TLK2: variants seen among roughly 807,000 people sequenced by gnomAD.
The protein encoded by TLK2 is serine/threonine-protein kinase tousled-like 2.
A neutral mutation model predicts 117.3 loss-of-function variants in TLK2; 6 were observed. The observed-to-expected ratio is 0.05, with a 90% CI of 0.03 to 0.10. TLK2 has a LOEUF of 0.10. TLK2 is among the 10% of genes least tolerant of loss of function. TLK2 has a pLI of 1.00. For synonymous variants in TLK2, 257 were observed against 316.7 expected (o/e 0.81, Z 2.00); for missense variants, 299 against 901.2 (o/e 0.33, Z 8.56).
At chr17:62,528,044 A>C (rs569778826) in intron 6 of TLK2, among the ~76,000 whole-genome samples, 3 of 152,076 alleles carry the variant, frequency 2.0e-5, no homozygotes, top group Non-Finnish European at 4.4e-5. Flanking sequence ...CCCAGCCTAG[A>C]ATGTTAATCT....
intron 2 of TLK2, among the ~76,000 whole-genome samples, chr17:62,506,423 A>G (rs1247781778): frequency 6.6e-6 from 1 of 152,210 alleles, no homozygotes. Flanking sequence ...GTCAAGAACC[A>G]GAACTGGAAT....
intron 2 of TLK2, among the ~76,000 whole-genome samples, chr17:62,484,478 A>G (rs933677598): frequency 1.3e-5 from 2 of 150,864 alleles, no homozygotes; most frequent in African/African-American, 2.4e-5. Flanking sequence ...TTGTATTTTT[A>G]GTAGAGATGG....
intron 2 of TLK2, among the ~76,000 whole-genome samples, chr17:62,502,029 A>ATTTTTTTTTTTT (rs371212708): frequency 3.4e-4 from 47 of 137,438 alleles, no homozygotes; most frequent in African/African-American, 9.6e-4. Flanking sequence ...AAAAATACCA[A>ATTTTTTTTTTTT]TTTTTTTTTT....
At position 62,602,106 on chromosome 17, in the gene TLK2, G is replaced by A. The variant is rs751158242; in HGVS notation, c.1785G>A (p.Ser595=). The A allele has an allele frequency of 2.1e-5, 34 of 1,613,644 alleles. No homozygotes were observed. The highest frequency in any genetic ancestry group is 2.7e-5 in the Non-Finnish European group (32 of 1,179,794). The change falls in exon 19 of 22, where the codon TCG becomes TCA. Residue 595 remains serine, a synonymous_variant. Transcript: ENST00000346027. ...TAAAAATTACAGATTTTGGTCTTTC[G>A]AAGATCATGGATGATGATAGCTACA... ...GEIKITDFGL[S]KIMDDDSYNS...
At chr17:62,562,336 A>G (rs1423768130) in intron 10 of TLK2, among the ~76,000 whole-genome samples, 2 of 152,182 alleles carry the variant, frequency 1.3e-5, no homozygotes, top group Non-Finnish European at 2.9e-5. Flanking sequence ...ACTCCAGCCT[A>G]GGTAGTAGAA....
chr17:62,496,784 T>C (rs908680804), intron 2 of TLK2, among the ~76,000 whole-genome samples: 9 of 151,824 alleles, frequency 5.9e-5, no homozygotes, highest in African/African-American at 2.2e-4. Flanking sequence ...TGAAACCCCG[T>C]CTCTACTAAA....
At chr17:62,486,532 A>G (rs1472055244) in intron 2 of TLK2, among the ~76,000 whole-genome samples, 2 of 152,196 alleles carry the variant, frequency 1.3e-5, no homozygotes, top group African/African-American at 4.8e-5. Context: ...GAAACTGACT[A>G]TATCTTGAAT....
chr17:62,565,637 G>A (rs996614354), intron 11 of TLK2, among the ~76,000 whole-genome samples: 5 of 107,782 alleles, frequency 4.6e-5, no homozygotes, highest in Non-Finnish European at 8.5e-5. Flanking sequence ...GGGCGACAGA[G>A]CAAGACTCCA....
At chr17:62,601,525 T>G (rs2082875270) in intron 18 of TLK2, among the ~76,000 whole-genome samples, 1 of 152,234 alleles carries the variant, frequency 6.6e-6, no homozygotes, top group Non-Finnish European at 1.5e-5. Context: ...ACTAAAACAT[T>G]AATTATGATG....
intron 7 of TLK2, among the ~76,000 whole-genome samples, chr17:62,544,951 G>A (rs1056005978): frequency 9.2e-5 from 14 of 151,972 alleles, no homozygotes; most frequent in African/African-American, 3.1e-4. Context: ...TTCTTTTTAC[G>A]CTATTGCAAA....
chr17:62,549,044 A>G (rs2078177993), intron 7 of TLK2, among the ~76,000 whole-genome samples: 1 of 149,398 alleles, frequency 6.7e-6, no homozygotes, highest in African/African-American at 2.4e-5. Context: ...CAGTCTAATC[A>G]TTTGATTCTT....
intron 6 of TLK2, among the ~76,000 whole-genome samples, chr17:62,524,870 A>G (rs535740114): frequency 1.1e-4 from 16 of 152,306 alleles, no homozygotes; most frequent in African/African-American, 3.4e-4. Context: ...AACTGGAGTC[A>G]TTATTGGTTG....
At chr17:62,508,417 A>G (rs1367904648) in intron 2 of TLK2, 13 of 957,120 alleles carry the variant, frequency 1.4e-5, no homozygotes, top group African/African-American at 1.8e-5. Flanking sequence ...GGAAAACTAG[A>G]AAAGAGGAGG....
chr17:62,484,410 C>T (rs2072082955), intron 2 of TLK2, among the ~76,000 whole-genome samples: 1 of 151,818 alleles, frequency 6.6e-6, no homozygotes, highest in Non-Finnish European at 1.5e-5. Flanking sequence ...AATTCTCGTG[C>T]CTCAGCCTCC....
chr17:62,520,637 A>G lies in TLK2; in HGVS notation c.82-136A>G, dbSNP rs1042966606. On this transcript the variant is annotated intron_variant, in intron 2 of 21. Coordinates refer to ENST00000346027, the MANE Select transcript of TLK2 (RefSeq NM_006852.6). ...GGTTGCAGTGAGCCGAGATCACGCC[A>G]TTGTATTCCAGCCGGGGTGATAACA... is the stretch of plus-strand genomic sequence containing the variant. The G allele has an allele frequency of 7.1e-5, 55 of 774,446 alleles. 1 individual carries two copies. Among genetic ancestry groups the G allele is most frequent in the Non-Finnish European group, 1.0e-4 (55 of 534,870 alleles). The allele number at this position is 774,446 out of a possible 1,614,324, so 48.0% of individuals were successfully genotyped here. A position where few individuals can be genotyped will look rare whatever the true frequency, so the allele number is the denominator to read the frequency against.
intron 2 of TLK2, among the ~76,000 whole-genome samples, chr17:62,502,145 C>CAT (rs1390194663): frequency 1.3e-5 from 2 of 149,992 alleles, no homozygotes; most frequent in African/African-American, 2.5e-5. Flanking sequence ...TATCCCTCAA[C>CAT]ATATATATAG....
At chr17:62,531,005 C>CT (rs888192085) in intron 6 of TLK2, among the ~76,000 whole-genome samples, 1 of 151,938 alleles carries the variant, frequency 6.6e-6, no homozygotes, top group African/African-American at 2.4e-5. Flanking sequence ...AAGGTATCTG[C>CT]TTTTTTTCCC....
chr17:62,549,414 A>AGT (rs2078222365), intron 7 of TLK2, among the ~76,000 whole-genome samples: 5 of 28,518 alleles, frequency 1.8e-4, no homozygotes, highest in South Asian at 2.1e-3. Flanking sequence ...AAAAAAAAAA[A>AGT]AAAAAAAAAA....
At chr17:62,491,326 G>A (rs894785895) in intron 2 of TLK2, among the ~76,000 whole-genome samples, 3 of 152,094 alleles carry the variant, frequency 2.0e-5, no homozygotes, top group Non-Finnish European at 4.4e-5. Flanking sequence ...TAAATGGAAA[G>A]ATTTCTTAAA....
Sources: gnomAD v4.1 joint callset for allele counts (sites outside exome capture counted in the v4.1 genomes callset) on GRCh38, gnomAD v4.1.1 for gene constraint, MANE v1.5 for transcripts, NCBI Gene and HGNC (gene_info 2026-07-23, HGNC 2026-07-21) for gene names.